The following WASF3 variants were observed in gnomAD, a reference collection of about 807,000 sequenced individuals.
WASF3 encodes WASP family member 3, also known as actin-binding protein WASF3.
In WASF3, 11 loss-of-function variants were observed where a neutral mutation model predicts 46.6. That is an observed-to-expected ratio of 0.24 (90% CI 0.15 to 0.39). The LOEUF (loss-of-function observed/expected upper bound fraction) is 0.39, where lower values mean the gene tolerates loss of function less well. WASF3 is among the 10% of genes least tolerant of loss of function. The pLI, the probability that WASF3 is intolerant of heterozygous loss-of-function variation, is 1.00. For synonymous variants in WASF3, 242 were observed against 259.7 expected (o/e 0.93, Z 0.65); for missense variants, 576 against 669.8 (o/e 0.86, Z 1.55).
chr13:26,610,590 A>G (rs1107135), intron 1 of WASF3, among the ~76,000 whole-genome samples: 5,428 of 152,228 alleles, frequency 0.036, 337 homozygotes, highest in African/African-American at 0.12. Context: ...ATACCTGGAA[A>G]CTAGACGACA....
At chr13:26,560,880 A>G (rs545461194) in intron 1 of WASF3, among the ~76,000 whole-genome samples, 24 of 152,336 alleles carry the variant, frequency 1.6e-4, no homozygotes, top group African/African-American at 5.0e-4. Context: ...GAAAGGGGCC[A>G]GCAACAAGAG....
At chr13:26,576,487 G>T (rs1296938441) in intron 1 of WASF3, among the ~76,000 whole-genome samples, 1 of 152,116 alleles carries the variant, frequency 6.6e-6, no homozygotes, top group Non-Finnish European at 1.5e-5. Flanking sequence ...AAATTGCAGT[G>T]GTCTGAAGTG....
intron 2 of WASF3, among the ~76,000 whole-genome samples, chr13:26,628,879 C>T (rs957931919): frequency 2.0e-5 from 3 of 152,194 alleles, no homozygotes; most frequent in African/African-American, 7.2e-5. Context: ...GCCCACATGT[C>T]CTCCTCCTTG....
At chr13:26,559,709 C>G (rs1318426219) in intron 1 of WASF3, among the ~76,000 whole-genome samples, 1 of 150,970 alleles carries the variant, frequency 6.6e-6, no homozygotes, top group Non-Finnish European at 1.5e-5. Flanking sequence ...CAAGGACTTT[C>G]TTTGAAGAGT....
At chr13:26,559,468 G>A (rs1034726625) in intron 1 of WASF3, among the ~76,000 whole-genome samples, 1 of 152,150 alleles carries the variant, frequency 6.6e-6, no homozygotes, top group African/African-American at 2.4e-5. Context: ...CAACAATTAC[G>A]AAAACAAAGG....
chr13:26,615,416 C>T (rs1881102304), intron 2 of WASF3, among the ~76,000 whole-genome samples: 1 of 152,104 alleles, frequency 6.6e-6, no homozygotes, highest in South Asian at 2.1e-4. Context: ...TCAAGCGATT[C>T]TCCTGCCTCA....
chr13:26,548,680 T>A, the WASF3 span, among the ~76,000 whole-genome samples: 3 of 152,174 alleles, frequency 2.0e-5, no homozygotes, highest in Non-Finnish European at 4.4e-5. Context: ...CCTAGCAAGA[T>A]ATTCATGACC....
At chr13:26,551,294 A>T in the WASF3 span, among the ~76,000 whole-genome samples, 400 of 152,320 alleles carry the variant, frequency 2.6e-3, 3 homozygotes, top group African/African-American at 9.4e-3. Context: ...AGTTCTTTAT[A>T]GCAGCATGAG....
At chr13:26,544,528 T>C in the WASF3 span, among the ~76,000 whole-genome samples, 1 of 152,128 alleles carries the variant, frequency 6.6e-6, no homozygotes, top group Admixed American at 6.5e-5. Context: ...GTTAAGTGAA[T>C]CGCAAATCTC....
chr13:26,639,051 A>G (rs949902261), intron 2 of WASF3, among the ~76,000 whole-genome samples: 1 of 152,204 alleles, frequency 6.6e-6, no homozygotes, highest in Admixed American at 6.5e-5. Flanking sequence ...GGTGCCCAGA[A>G]TCATAAGCCA....
intron 9 of WASF3, among the ~76,000 whole-genome samples, chr13:26,683,242 C>T (rs892956325): frequency 6.6e-6 from 1 of 152,112 alleles, no homozygotes; most frequent in Admixed American, 6.5e-5. Context: ...GAGGCCAAGG[C>T]AGTTGGATTG....
intron 1 of WASF3, among the ~76,000 whole-genome samples, chr13:26,605,266 C>G (rs534819011): frequency 2.6e-5 from 4 of 152,342 alleles, no homozygotes; most frequent in Non-Finnish European, 5.9e-5. Context: ...AGTCTTTGCT[C>G]AAGCTGGAAG....
At chr13:26,608,397 T>A (rs1429202256) in intron 1 of WASF3, among the ~76,000 whole-genome samples, 2 of 152,242 alleles carry the variant, frequency 1.3e-5, no homozygotes, top group African/African-American at 2.4e-5. Context: ...TTATTGAAAT[T>A]AAAATGCACC....
At chr13:26,677,142 A>G (rs906235500) in intron 7 of WASF3, among the ~76,000 whole-genome samples, 2 of 152,236 alleles carry the variant, frequency 1.3e-5, no homozygotes, top group African/African-American at 4.8e-5. Flanking sequence ...GAGTACCTTC[A>G]TTGTTCCTTT....
intron 9 of WASF3, among the ~76,000 whole-genome samples, chr13:26,685,266 T>A (rs1883367232): frequency 6.6e-6 from 1 of 152,160 alleles, no homozygotes; most frequent in South Asian, 2.1e-4. Flanking sequence ...TTTCCAAGGC[T>A]CTGGATGCTG....
At chr13:26,677,557 C>T (rs1593185626) in intron 7 of WASF3, among the ~76,000 whole-genome samples, 1 of 152,320 alleles carries the variant, frequency 6.6e-6, no homozygotes, top group South Asian at 2.1e-4. Context: ...CTTTGTAAAA[C>T]TCAGTGTTTA....
intron 1 of WASF3, among the ~76,000 whole-genome samples, chr13:26,607,326 A>C (rs953353136): frequency 6.6e-6 from 1 of 152,168 alleles, no homozygotes; most frequent in African/African-American, 2.4e-5. Flanking sequence ...ATAAAGATCT[A>C]ATTGGCTTTT....
At chr13:26,636,448 C>T (rs1165859944) in intron 2 of WASF3, among the ~76,000 whole-genome samples, 2 of 152,214 alleles carry the variant, frequency 1.3e-5, no homozygotes, top group East Asian at 3.9e-4. Flanking sequence ...GGGAAATCCC[C>T]TGACCCCTTG....
intron 1 of WASF3, among the ~76,000 whole-genome samples, chr13:26,611,285 CT>C (rs1212979553): frequency 6.6e-6 from 1 of 152,108 alleles, no homozygotes; most frequent in Non-Finnish European, 1.5e-5. Flanking sequence ...GAGATATTAC[CT>C]GCCTGTGAGG....
Sources: gnomAD v4.1 joint callset for allele counts (sites outside exome capture counted in the v4.1 genomes callset) on GRCh38, gnomAD v4.1.1 for gene constraint, MANE v1.5 for transcripts, NCBI Gene and HGNC (gene_info 2026-07-23, HGNC 2026-07-21) for gene names.